Variants in PLD3 observed in about 807,000 individuals in gnomAD.
The protein encoded by PLD3 is 5'-3' exonuclease PLD3.
A neutral mutation model predicts 58.4 loss-of-function variants in PLD3; 31 were observed. The ratio of observed to expected loss-of-function variants is 0.53; its 90% CI spans 0.40 to 0.72. The LOEUF (loss-of-function observed/expected upper bound fraction) is 0.72. PLD3 is among the 30% of genes least tolerant of loss of function. PLD3 has a pLI of 0.00. For missense variants in PLD3, 595 were observed against 659.8 expected (o/e 0.90, Z 1.08); for synonymous variants, 264 against 273.4 (o/e 0.97, Z 0.34).
rs2078906077 is a variant in PLD3 at position 40,365,836 on chromosome 19, C to T, written c.-160C>T. The T allele has an allele frequency of 1.9e-5, 3 of 153,876 alleles. No individual in the cohort carries two copies. Among genetic ancestry groups the T allele is most frequent in the East Asian group, 1.9e-4 (1 of 5,194 alleles). 9.5% of individuals were successfully genotyped at this position (153,876 alleles called of 1,614,324 possible). On this transcript the variant is annotated 5_prime_UTR_variant, in exon 2 of 13. Transcript: ENST00000409735. ...GGCGGAGCTCCCACAGGCCCCGCCC[C>T]CTCCTCCCACCCTCGTTCAGCCTGT...
In PLD3 at chr19:40,370,203, G is replaced by A. The variant is rs1342485703; in HGVS notation, c.644G>A (p.Gly215Asp). 1 of 1,614,034 alleles carries A rather than the reference G, an allele frequency of 6.2e-7. No individual in the cohort carries two copies. The highest frequency in any genetic ancestry group is 1.7e-5 in the Admixed American group (1 of 60,016). The change falls in exon 8 of 13, where the codon GGC becomes GAC. Residue 215 changes from glycine to aspartate, a missense_variant. By Grantham distance (94) the Gly-to-Asp change is moderately conservative. Coordinates refer to ENST00000409735, the MANE Select transcript of PLD3 (RefSeq NM_012268.4). ...WVVDQTHFYL[G>D]SANMDWRSLT... ...GTGGACCAGACCCACTTCTACCTGGGCAGTGCCAACATGGACTGGCGTTCA... is the reference window on the plus strand; with the variant it reads ...GTGGACCAGACCCACTTCTACCTGGACAGTGCCAACATGGACTGGCGTTCA...
chr19:40,370,319 C>G, intron 8 of PLD3, 82 bp downstream of exon 8: 1 of 1,451,272 alleles, frequency 6.9e-7, no homozygotes, highest in Non-Finnish European at 9.4e-7. Context: ...ATCCCTCACT[C>G]AATCCAGAGT....
At chr19:40,365,066 C>G (rs1205213189) in intron 1 of PLD3, among the ~76,000 whole-genome samples, 2 of 152,232 alleles carry the variant, frequency 1.3e-5, no homozygotes, top group Non-Finnish European at 2.9e-5. Context: ...CCTGTTGCTT[C>G]TCTCAGTAAT....
At position 40,368,775 on chromosome 19, in the gene PLD3, A is replaced by AT. The variant is rs545802170; in HGVS notation, c.429+898dup. On this transcript the variant is annotated intron_variant, in intron 6 of 12. Coordinates refer to ENST00000409735, the MANE Select transcript of PLD3 (RefSeq NM_012268.4). The stretch of plus-strand genomic sequence containing the variant: ...CCATCTCTACTAAAAATAAAAAAAA[A>AT]TTAGGAGGGTGTTGTGGTGCATGCC... Among the ~76,000 whole-genome samples the AT allele has an allele frequency of 2.9e-3, 443 of 151,990 alleles. 3 individuals are homozygous for AT. Among genetic ancestry groups the AT allele is most frequent in the Non-Finnish European group, 4.4e-3 (299 of 67,976 alleles).
rs556662879 is a variant in PLD3 at position 40,365,159 on chromosome 19, GAGAGAGGTGCCACCCTGCCGTGAAA to G, written c.-278-554_-278-530del. On this transcript the variant is annotated intron_variant, in intron 1 of 12. Coordinates refer to ENST00000409735, the MANE Select transcript of PLD3 (RefSeq NM_012268.4). ...GGGAAGAGGGTGTCCCTGTCTCATT[GAGAGAGGTGCCACCCTGCCGTGAAA>G]AGAGGTGCCACCCTCTGTCAATTAG... Among the ~76,000 whole-genome samples, 6 of 152,228 alleles carry G rather than the reference GAGAGAGGTGCCACCCTGCCGTGAAA, an allele frequency of 3.9e-5. No homozygotes were observed. In the South Asian group the frequency reaches 1.2e-3, roughly 32 times the overall value.
At position 40,378,108 on chromosome 19, in the gene PLD3, TC is replaced by T; in HGVS notation, c.1412del (p.Pro471LeufsTer75). The T allele has an allele frequency of 6.2e-7, 1 of 1,613,932 alleles. No individual in the cohort carries two copies. Among genetic ancestry groups the T allele is most frequent in the Non-Finnish European group, 8.5e-7 (1 of 1,179,892 alleles). On this transcript the variant is annotated frameshift_variant, in exon 13 of 13. Transcript: ENST00000409735. LOFTEE classifies it high-confidence loss of function. ...LEAIFLRDWD[S>X]PYSHDLDTSA... ...GGCCATTTTCCTGAGGGACTGGGAC[TC>T]CCCTTACAGCCATGACCTTGACACC...
In PLD3 at chr19:40,369,738, C is replaced by T. The variant is rs558816043; in HGVS notation, c.430-170C>T. On this transcript the variant is annotated intron_variant, in intron 6 of 12. Coordinates refer to ENST00000409735, the MANE Select transcript of PLD3 (RefSeq NM_012268.4). ...TTAAAGCAGATAAAGATGTTTAAAA[C>T]AGATAAGGAAGTCTTTTAATATTTT... is the stretch of plus-strand genomic sequence containing the variant. The T allele has an allele frequency of 1.9e-5, 12 of 626,296 alleles. No individual in the cohort carries two copies. The East Asian group carries it at 2.4e-4, about 13-fold the overall frequency. The allele number at this position is 626,296 out of a possible 1,614,324, so 38.8% of individuals were successfully genotyped here. A position where few individuals can be genotyped will look rare whatever the true frequency, so the allele number is the denominator to read the frequency against.
intron 9 of PLD3, 146 bp downstream of exon 9, chr19:40,372,019 G>T: frequency 3.0e-6 from 2 of 672,244 alleles, no homozygotes; most frequent in Non-Finnish European, 5.2e-6. Context: ...TCAGGGGCCT[G>T]GAGTAGTTCC....
At chr19:40,374,864 A>C in intron 10 of PLD3, 1 of 527,036 alleles carries the variant, frequency 1.9e-6, no homozygotes, top group Non-Finnish European at 3.4e-6. Context: ...AACAGAGAAA[A>C]GGATGAGAGG....
intron 1 of PLD3, among the ~76,000 whole-genome samples, chr19:40,361,347 G>T (rs1212055392): frequency 6.6e-6 from 1 of 152,034 alleles, no homozygotes; most frequent in Non-Finnish European, 1.5e-5. Context: ...CCAACCTCAG[G>T]TGATCCGCCC....
Position 40,377,602 on chromosome 19 carries a change from G to A in PLD3, c.1186-184G>A, listed in dbSNP as rs926497478. 3.9e-5 allele frequency among the ~76,000 whole-genome samples: 6 copies of A among 151,958 alleles called. No homozygotes were observed. The East Asian group carries it at 7.7e-4, about 19-fold the overall frequency. Reference sequence around the variant, plus strand: ...ACAGTGTTTTGCAAATGAGACCACCGGGGCCTCCCTTTCAGCTTTCGTTCT... The same window carrying A: ...ACAGTGTTTTGCAAATGAGACCACCAGGGCCTCCCTTTCAGCTTTCGTTCT... On this transcript the variant is annotated intron_variant, in intron 11 of 12. Transcript: ENST00000409735.
At chr19:40,356,924 A>G (rs2078668980) in intron 1 of PLD3, 1 of 152,190 alleles carries the variant, frequency 6.6e-6, no homozygotes, top group Non-Finnish European at 1.5e-5. Flanking sequence ...AGGGTTTTTA[A>G]GTTCCAGTTC....
Position 40,348,758 on chromosome 19 carries a change from G to T in PLD3, c.-289G>T, listed in dbSNP as rs997519511. ...GGGGCTGGGTCTCGGAGTGGGAGAC[G>T]TGGAGTGCAGGTACTGTGCGATCTG... is the stretch of plus-strand genomic sequence containing the variant. On this transcript the variant is annotated 5_prime_UTR_variant, in exon 1 of 13. Coordinates refer to ENST00000409735, the MANE Select transcript of PLD3 (RefSeq NM_012268.4). 6.9e-6 allele frequency: 3 copies of T among 435,658 alleles called. No individual in the cohort carries two copies. The highest frequency in any genetic ancestry group is 4.7e-5 in the Admixed American group (1 of 21,496). 27.0% of individuals were successfully genotyped at this position (435,658 alleles called of 1,614,324 possible).
At chr19:40,360,538 A>C (rs1041588757) in intron 1 of PLD3, 4 of 146,848 alleles carry the variant, frequency 2.7e-5, no homozygotes, top group African/African-American at 1.0e-4. Context: ...TTGAAGTTGC[A>C]CCACTGCACT....
chr19:40,359,050 T>G (rs2078718552), intron 1 of PLD3: 1 of 152,228 alleles, frequency 6.6e-6, no homozygotes, highest in Non-Finnish European at 1.5e-5. Context: ...CTCTTTTTTG[T>G]TTTTTGTTTT....
rs1347987313 is a variant in PLD3, at chr19:40,378,349, G to A, written c.*176G>A. On this transcript the variant is annotated 3_prime_UTR_variant, in exon 13 of 13. Coordinates refer to ENST00000409735, the MANE Select transcript of PLD3 (RefSeq NM_012268.4). ...CCCACCGGCCTGACGCTGTGGCCCC[G>A]GGACCCAGCAGAGCTGGGGGAGGGA... is the stretch of plus-strand genomic sequence containing the variant. 6.9e-6 allele frequency: 5 copies of A among 723,194 alleles called. No homozygotes were observed. Among genetic ancestry groups the A allele is most frequent in the South Asian group, 2.9e-5 (2 of 67,930 alleles). The allele number at this position is 723,194 out of a possible 1,614,324, so 44.8% of individuals were successfully genotyped here. A position where few individuals can be genotyped will look rare whatever the true frequency, so the allele number is the denominator to read the frequency against.
intron 1 of PLD3, among the ~76,000 whole-genome samples, chr19:40,354,135 G>A (rs551362384): frequency 4.1e-5 from 6 of 146,760 alleles, no homozygotes; most frequent in Non-Finnish European, 5.9e-5. Flanking sequence ...GTGCAGTGGC[G>A]CGATCTCGGC....
intron 1 of PLD3, among the ~76,000 whole-genome samples, chr19:40,354,972 G>A (rs999355834): frequency 6.6e-6 from 1 of 151,284 alleles, no homozygotes; most frequent in African/African-American, 2.4e-5. Flanking sequence ...TCAAGTAGCT[G>A]GGACTATAGA....
chr19:40,376,698 C>A lies in PLD3; in HGVS notation c.1109C>A (p.Ser370Ter). Residue 370 changes from serine (S) to a stop codon, truncating the protein, a stop_gained, in exon 11 of 13, where the codon TCG becomes TAG. Transcript: ENST00000409735. LOFTEE classifies it high-confidence loss of function. ...VRLLISCWGH[S>*]EPSMRAFLLS... ...CTGCTCATCAGCTGCTGGGGACACT[C>A]GGAGCCATCCATGCGGGCCTTCCTG... 1.2e-6 allele frequency: 2 copies of A among 1,604,598 alleles called. No homozygotes were observed.
Sources: gnomAD v4.1 joint callset for allele counts (sites outside exome capture counted in the v4.1 genomes callset) on GRCh38, gnomAD v4.1.1 for gene constraint, MANE v1.5 for transcripts, NCBI Gene and HGNC (gene_info 2026-07-23, HGNC 2026-07-21) for gene names.